Variants in MSS51 observed in about 807,000 individuals in gnomAD.
The protein encoded by MSS51 is putative protein MSS51 homolog, mitochondrial.
Under a neutral mutation model 40.2 loss-of-function variants are expected in MSS51, and 32 were observed. That is an observed-to-expected ratio of 0.80 (90% CI 0.60 to 1.07). The LOEUF (loss-of-function observed/expected upper bound fraction) is 1.07. Ranked by LOEUF, MSS51 falls within the 50% of genes least tolerant of loss-of-function variation. The pLI is 0.00. For synonymous variants in MSS51, 178 were observed against 214.2 expected (o/e 0.83, Z 1.48); for missense variants, 518 against 568.9 (o/e 0.91, Z 0.91).
At chr10:73,428,329 G>A (rs778833780) in intron 1 of MSS51, 28 bp from the exon 2 acceptor site, 24 of 1,507,722 alleles carry the variant, frequency 1.6e-5, no homozygotes, top group Non-Finnish European at 2.2e-5. Context: ...AATAGACATG[G>A]AATGGAATTT....
In MSS51 at chr10:73,424,446, A is replaced by G. The variant is rs2055965216; in HGVS notation, c.*107T>C. On this transcript the variant is annotated 3_prime_UTR_variant, in exon 7 of 7. Coordinates refer to ENST00000299432, the MANE Select transcript of MSS51 (RefSeq NM_001024593.2). ...AGCTTAGAATTTTTACCCAAACAGT[A>G]AATGAGGTTTAGAATATAATGTTTT... The G allele has an allele frequency of 4.7e-6, 4 of 848,568 alleles. No homozygotes were observed. In the South Asian group the frequency reaches 6.3e-5, roughly 13 times the overall value. The allele number at this position is 848,568 out of a possible 1,614,324, so 52.6% of individuals were successfully genotyped here.
Position 73,425,908 on chromosome 10 carries a change from C to G in MSS51, c.972G>C (p.Gln324His). 6.2e-7 allele frequency: 1 copy of G among 1,614,138 alleles called. No individual in the cohort carries two copies. Among genetic ancestry groups the G allele is most frequent in the Non-Finnish European group, 8.5e-7 (1 of 1,180,034 alleles). The change falls in exon 5 of 7, where the codon CAG (glutamine) becomes CAC (histidine). Residue 324 changes from glutamine (Q) to histidine (H), a missense_variant. Transcript: ENST00000299432. ...GGTAGAGGCCCCTGTGGGCACTAAG[C>G]TGAATTGTGCCAGGTTCCAGGGGTG... Reference protein sequence around the residue: ...STSPLEPGTIQLSAHRGLYHD... With the variant: ...STSPLEPGTIHLSAHRGLYHD...
rs748128248 is a variant in MSS51, at chr10:73,428,266, G to T, written c.19C>A (p.Arg7=). ...GAGGGAGGTTTCTTGTGCCTTCGTC[G>T]CCGGGACCGTGGAGCCATGGCCTGT... The part of the protein sequence containing the change: MAPRSR[R]RRHKKPPSSV... Residue 7 remains arginine, a synonymous_variant, in exon 2 of 7, where the codon CGA becomes AGA. Coordinates refer to ENST00000299432, the MANE Select transcript of MSS51 (RefSeq NM_001024593.2). 14 of 1,612,526 alleles carry T rather than the reference G, an allele frequency of 8.7e-6. No homozygotes were observed. The Admixed American group carries it at 2.2e-4, about 25-fold the overall frequency.
rs748548386 is a variant in MSS51 at position 73,424,759 on chromosome 10, C to G, written c.1177G>C (p.Val393Leu). The G allele has an allele frequency of 6.2e-7, 1 of 1,613,004 alleles. No individual in the cohort carries two copies. ...TCCACCAGAATCTGCAAAGAGGATA[C>G]CAACTCCTGATGGCTGTAGAAGAGA... ...LITVYSHQELVSSLQILVELD... is the reference protein window; with the variant it reads ...LITVYSHQELLSSLQILVELD... Residue 393 changes from valine to leucine, a missense_variant, in exon 7 of 7, where the codon GTA (valine) becomes CTA (leucine). Physicochemically the swap from Val to Leu is conservative, Grantham distance 32. Coordinates refer to ENST00000299432, the MANE Select transcript of MSS51 (RefSeq NM_001024593.2).
intron 6 of MSS51, 107 bp from the exon 7 acceptor site, chr10:73,424,879 T>A: frequency 1.0e-6 from 1 of 984,796 alleles, no homozygotes; most frequent in Non-Finnish European, 1.6e-6. Flanking sequence ...CCAAATTGCC[T>A]AAGGCTGGAC....
intron 1 of MSS51, among the ~76,000 whole-genome samples, chr10:73,431,581 A>G (rs2056029557): frequency 6.6e-6 from 1 of 152,238 alleles, no homozygotes; most frequent in Non-Finnish European, 1.5e-5. Flanking sequence ...AGAATTATCC[A>G]GCTCATATCC....
At chr10:73,429,927 T>C (rs1381214875) in intron 1 of MSS51, among the ~76,000 whole-genome samples, 1 of 152,112 alleles carries the variant, frequency 6.6e-6, no homozygotes, top group African/African-American at 2.4e-5. Context: ...ATCTCTTCAG[T>C]GGGCGAGAAT....
At chr10:73,433,267 C>G (rs2056042311) in intron 1 of MSS51, among the ~76,000 whole-genome samples, 1 of 152,014 alleles carries the variant, frequency 6.6e-6, no homozygotes, top group Admixed American at 6.6e-5. Context: ...GAGTGCTCAT[C>G]TAATTTTCTG....
At position 73,425,044 on chromosome 10, in the gene MSS51, T is replaced by C. The variant is rs755793152; in HGVS notation, c.1163+54A>G. 4.3e-6 allele frequency: 6 copies of C among 1,399,128 alleles called. No homozygotes were observed. The South Asian group carries it at 4.6e-5, about 11-fold the overall frequency. 86.7% of individuals were successfully genotyped at this position (1,399,128 alleles called of 1,614,324 possible). A position where few individuals can be genotyped will look rare whatever the true frequency, so the allele number is the denominator to read the frequency against. ...AGGGGGGCAAAAATGAGCTCATCTA[T>C]ATAAAGAGAGATGTAAAGTCAGGGA... On this transcript the variant is annotated intron_variant, in intron 6 of 6. Coordinates refer to ENST00000299432, the MANE Select transcript of MSS51 (RefSeq NM_001024593.2).
chr10:73,427,862 T>G (rs1328850722), intron 2 of MSS51, 94 bp from the exon 3 acceptor site: 1 of 1,435,156 alleles, frequency 7.0e-7, no homozygotes, highest in African/African-American at 1.4e-5. Context: ...ACATTTCCAC[T>G]TACTCCTATG....
chr10:73,428,846 T>C (rs978050997), intron 1 of MSS51, among the ~76,000 whole-genome samples: 4 of 152,042 alleles, frequency 2.6e-5, no homozygotes, highest in Non-Finnish European at 4.4e-5. Flanking sequence ...ACATTATATA[T>C]ATATATACAC....
At chr10:73,425,745 A>T in intron 5 of MSS51, 66 bp downstream of exon 5, 3 of 1,418,226 alleles carry the variant, frequency 2.1e-6, no homozygotes, top group Non-Finnish European at 2.9e-6. Flanking sequence ...TTCCAAAGAC[A>T]GAAGATTCAG....
rs757600121 is a variant in MSS51, at chr10:73,427,751, C to G, written c.239G>C (p.Gly80Ala). The change falls in exon 3 of 7, where the codon GGT (glycine) becomes GCT (alanine). Residue 80 changes from glycine (G) to alanine (A), a missense_variant. Coordinates refer to ENST00000299432, the MANE Select transcript of MSS51 (RefSeq NM_001024593.2). ...AAATCCAAAGCCTGATACGGGGGTA[C>G]CCCCATCTACCACCAACCTGCAGAG... ...YEEYKLVVDG[G>A]TPVSGFGFRC... 18 of 1,613,882 alleles carry G rather than the reference C, an allele frequency of 1.1e-5. No individual in the cohort carries two copies. Among genetic ancestry groups the G allele is most frequent in the Non-Finnish European group, 1.4e-5 (17 of 1,179,968 alleles).
chr10:73,427,796 A>G (rs1330581512), intron 2 of MSS51, 28 bp from the exon 3 acceptor site: 34 of 1,608,968 alleles, frequency 2.1e-5, no homozygotes, highest in Non-Finnish European at 2.7e-5. Context: ...AGAAGGAATG[A>G]CAATGGGGAA....
chr10:73,426,960 C>A (rs1332684441), intron 3 of MSS51, among the ~76,000 whole-genome samples: 1 of 152,128 alleles, frequency 6.6e-6, no homozygotes, highest in Non-Finnish European at 1.5e-5. Flanking sequence ...CTATCTGGAA[C>A]AACTCACTTT....
In MSS51 at chr10:73,425,222, G is replaced by A. The variant is rs776384289; in HGVS notation, c.1070-31C>T. On this transcript the variant is annotated intron_variant, in intron 5 of 6. Coordinates refer to ENST00000299432, the MANE Select transcript of MSS51 (RefSeq NM_001024593.2). ...GAACAAAAATGAAAATGGGAATAGG[G>A]AAAGACTAAAGCAGACCCTAAGAGC... is the stretch of plus-strand genomic sequence containing the variant. 23 of 1,469,140 alleles carry A rather than the reference G, an allele frequency of 1.6e-5. 1 individual carries two copies. In the South Asian group the frequency reaches 2.3e-4, roughly 15 times the overall value. 91.0% of individuals were successfully genotyped at this position (1,469,140 alleles called of 1,614,324 possible).
rs1290433392 is a variant in MSS51 at position 73,424,743 on chromosome 10, A to C, written c.1193T>G (p.Ile398Ser). 3.1e-6 allele frequency: 5 copies of C among 1,614,148 alleles called. No individual in the cohort carries two copies. Among genetic ancestry groups the C allele is most frequent in the Non-Finnish European group, 4.2e-6 (5 of 1,179,960 alleles). The part of the protein sequence containing the change: ...SHQELVSSLQ[I>S]LVELDTHITA... ...GATGTGTGTATCCAGTTCCACCAGA[A>C]TCTGCAAAGAGGATACCAACTCCTG... Residue 398 changes from isoleucine to serine, a missense_variant, in exon 7 of 7, where the codon ATT becomes AGT. Transcript: ENST00000299432.
chr10:73,425,052 G>C, intron 6 of MSS51, 46 bp downstream of exon 6: 1 of 1,424,642 alleles, frequency 7.0e-7, no homozygotes, highest in Non-Finnish European at 9.9e-7. Context: ...TATATAAAGA[G>C]AGATGTAAAG....
chr10:73,428,056 T>G lies in MSS51; in HGVS notation c.221+8A>C. ...ATATATCCCTTTTCCATAGAGCTGGTCACTCACTTATATTCTTCATAGCTT... is the reference window on the plus strand; with the variant it reads ...ATATATCCCTTTTCCATAGAGCTGGGCACTCACTTATATTCTTCATAGCTT... On this transcript the variant is annotated splice_region_variant and intron_variant, in intron 2 of 6. Transcript: ENST00000299432. 6.2e-7 allele frequency: 1 copy of G among 1,612,602 alleles called. No individual in the cohort carries two copies. Among genetic ancestry groups the G allele is most frequent in the South Asian group, 1.1e-5 (1 of 90,842 alleles).
Sources: gnomAD v4.1 joint callset for allele counts (sites outside exome capture counted in the v4.1 genomes callset) on GRCh38, gnomAD v4.1.1 for gene constraint, MANE v1.5 for transcripts, NCBI Gene and HGNC (gene_info 2026-07-23, HGNC 2026-07-21) for gene names.